Variants in SYN3 observed in about 807,000 individuals in gnomAD.
SYN3 encodes the protein synapsin-3.
In SYN3, 35 loss-of-function variants were observed where a neutral mutation model predicts 65.8. The ratio of observed to expected loss-of-function variants is 0.53; its 90% CI spans 0.41 to 0.70. The LOEUF (loss-of-function observed/expected upper bound fraction) is 0.70. SYN3 is among the 30% of genes least tolerant of loss of function. The probability of loss-of-function intolerance (pLI) is 0.00; values close to 1 mark genes in which losing one functional copy is unlikely to be tolerated. For missense variants in SYN3, 680 were observed against 749.0 expected, an observed-to-expected ratio of 0.91 and a Z score of 1.08; for synonymous variants, 270 against 292.9, an observed-to-expected ratio of 0.92 and a Z score of 0.80.
At chr22:32,527,840 G>T in intron 12 of SYN3, 78 bp downstream of exon 12, 1 of 1,249,470 alleles carries the variant, frequency 8.0e-7, no homozygotes, top group Non-Finnish European at 1.1e-6. Context: ...CCCCTTGTGG[G>T]AATCACATGT....
At chr22:33,043,617 C>G (rs1337304207) in intron 1 of SYN3, among the ~76,000 whole-genome samples, 2 of 152,138 alleles carry the variant, frequency 1.3e-5, no homozygotes, top group African/African-American at 4.8e-5. Flanking sequence ...GTTAATATCC[C>G]AGCAATTCTG....
chr22:32,946,134 C>T (rs746487377), intron 3 of SYN3, among the ~76,000 whole-genome samples: 1 of 152,142 alleles, frequency 6.6e-6, no homozygotes, highest in African/African-American at 2.4e-5. Context: ...GACAGTGTGG[C>T]GATTCCTCAA....
chr22:32,581,792 C>CTTTTTTTTTTTTT (rs10716395), intron 7 of SYN3, among the ~76,000 whole-genome samples: 4 of 84,318 alleles, frequency 4.7e-5, no homozygotes, highest in Non-Finnish European at 6.6e-5. Flanking sequence ...TTCTTTCTTT[C>CTTTTTTTTTTTTT]TTTTTTTTTT....
chr22:32,610,842 A>G (rs1030274896), intron 6 of SYN3, among the ~76,000 whole-genome samples: 3 of 152,186 alleles, frequency 2.0e-5, no homozygotes, highest in Admixed American at 6.5e-5. Context: ...TCAGCCTCCC[A>G]AAGTGCTGGG....
intron 6 of SYN3, among the ~76,000 whole-genome samples, chr22:32,722,588 C>A (rs1057186709): frequency 6.6e-6 from 1 of 152,118 alleles, no homozygotes; most frequent in African/African-American, 2.4e-5. Context: ...AGGAGTCAGG[C>A]GGATAGAAGT....
intron 1 of SYN3, among the ~76,000 whole-genome samples, chr22:33,053,989 T>C (rs1569425313): frequency 6.6e-6 from 1 of 152,218 alleles, no homozygotes; most frequent in Admixed American, 6.5e-5. Context: ...ATTGGAAGTC[T>C]GGAGACTCAC....
rs144841879 is a variant in SYN3, at chr22:32,648,641, C to T, written c.712-51905G>A. On this transcript the variant is annotated intron_variant, in intron 6 of 13. Coordinates refer to ENST00000358763, the MANE Select transcript of SYN3 (RefSeq NM_003490.4). ...AGCCCTGTTTGGCACATATTAGCTA[C>T]ATGACCATGGGCAGGTTGATTAACC... 2.8e-3 allele frequency among the ~76,000 whole-genome samples: 419 copies of T among 152,334 alleles called. 2 individuals are homozygous for T. Among genetic ancestry groups the T allele is most frequent in the African/African-American group, 9.3e-3 (388 of 41,564 alleles).
At chr22:32,790,752 A>G (rs1460422235) in intron 6 of SYN3, among the ~76,000 whole-genome samples, 3 of 149,042 alleles carry the variant, frequency 2.0e-5, no homozygotes, top group Non-Finnish European at 4.4e-5. Context: ...GCCTATGTTT[A>G]ATGACCGACC....
chr22:32,859,845 G>A (rs1334241013), intron 6 of SYN3: 7 of 192,100 alleles, frequency 3.6e-5, no homozygotes, highest in Non-Finnish European at 6.5e-5. Context: ...ACCATTTCAG[G>A]ATCAGTCAAA....
At chr22:32,558,408 C>A (rs539045540) in intron 7 of SYN3, among the ~76,000 whole-genome samples, 2 of 152,154 alleles carry the variant, frequency 1.3e-5, no homozygotes, top group Non-Finnish European at 2.9e-5. Flanking sequence ...CTCAGAGATG[C>A]GAAGAACTTG....
chr22:32,757,755 T>C (rs1237136315), intron 6 of SYN3, among the ~76,000 whole-genome samples: 1 of 152,180 alleles, frequency 6.6e-6, no homozygotes, highest in Non-Finnish European at 1.5e-5. Flanking sequence ...GGACATCTCT[T>C]AGTATTACCA....
At chr22:32,786,720 G>C (rs1448085170) in intron 6 of SYN3, among the ~76,000 whole-genome samples, 3 of 152,268 alleles carry the variant, frequency 2.0e-5, no homozygotes, top group East Asian at 3.9e-4. Context: ...GTTAACATTT[G>C]GGGAATCTGG....
intron 1 of SYN3, among the ~76,000 whole-genome samples, chr22:33,028,152 A>G (rs1472821355): frequency 6.6e-6 from 1 of 152,156 alleles, no homozygotes; most frequent in East Asian, 1.9e-4. Flanking sequence ...ACAAGGACAG[A>G]GCAGAGAGGA....
chr22:32,508,413 G>T lies in SYN3; in HGVS notation c.*5279C>A, dbSNP rs34358712. Among the ~76,000 whole-genome samples, 4,686 of 152,100 alleles carry T rather than the reference G, an allele frequency of 0.031. 131 individuals carry two copies. Among genetic ancestry groups the T allele is most frequent in the Middle Eastern group, 0.071 (21 of 294 alleles). On this transcript the variant is annotated 3_prime_UTR_variant, in exon 14 of 14. Transcript: ENST00000358763. Reference sequence around the variant, plus strand: ...ACTCCCTTTGCTGACTCTCTTTTCGGACTCATCCGGCCTGCACCCAGGTGA... The same window carrying T: ...ACTCCCTTTGCTGACTCTCTTTTCGTACTCATCCGGCCTGCACCCAGGTGA...
intron 6 of SYN3, among the ~76,000 whole-genome samples, chr22:32,625,684 C>T (rs751906700): frequency 1.5e-4 from 23 of 152,144 alleles, no homozygotes; most frequent in Non-Finnish European, 3.4e-4. Flanking sequence ...TCCAAGACTC[C>T]TTCCTTCTGC....
intron 6 of SYN3, among the ~76,000 whole-genome samples, chr22:32,619,469 G>A (rs749283022): frequency 5.9e-5 from 9 of 152,172 alleles, no homozygotes; most frequent in Admixed American, 4.6e-4. Context: ...CTAGAGTGAT[G>A]TGGAGGAATA....
chr22:32,975,476 G>T (rs944112328), intron 3 of SYN3, among the ~76,000 whole-genome samples: 2 of 151,170 alleles, frequency 1.3e-5, no homozygotes, highest in Non-Finnish European at 2.9e-5. Context: ...TTTAGTTTTT[G>T]CAGAGACAGA....
At chr22:33,036,902 G>A (rs1056586636) in intron 1 of SYN3, among the ~76,000 whole-genome samples, 1 of 151,924 alleles carries the variant, frequency 6.6e-6, no homozygotes, top group Non-Finnish European at 1.5e-5. Flanking sequence ...TGTCGGTCAG[G>A]CTGGTCTTGA....
chr22:32,787,290 C>T (rs2046219645), intron 6 of SYN3, among the ~76,000 whole-genome samples: 1 of 152,130 alleles, frequency 6.6e-6, no homozygotes, highest in Admixed American at 6.5e-5. Context: ...TCAAGTGATC[C>T]TCTTGCTTCA....
Sources: allele counts gnomAD v4.1 joint callset (sites outside exome capture counted in the v4.1 genomes callset), GRCh38; gene constraint gnomAD v4.1.1; transcripts MANE v1.5; gene names NCBI Gene and HGNC (gene_info 2026-07-23, HGNC 2026-07-21).